PIKFYVE: variants seen among roughly 807,000 people sequenced by gnomAD.
The protein encoded by PIKFYVE is 1-phosphatidylinositol 3-phosphate 5-kinase.
Under a neutral mutation model 257.9 loss-of-function variants are expected in PIKFYVE, and 122 were observed. The observed-to-expected ratio is 0.47, with a 90% CI of 0.41 to 0.55. The LOEUF (loss-of-function observed/expected upper bound fraction) is 0.55. Among genes scored for constraint, PIKFYVE ranks in the 20% least tolerant of loss-of-function variants. The pLI, the probability that PIKFYVE is intolerant of heterozygous loss-of-function variation, is 0.00. For missense variants in PIKFYVE, 2,160 were observed against 2,536.6 expected (o/e 0.85, Z 3.19); for synonymous variants, 892 against 868.9 (o/e 1.03, Z -0.47).
intron 21 of PIKFYVE, 148 bp downstream of exon 21, chr2:208,328,428 C>T (rs1697180167): frequency 2.1e-6 from 2 of 945,690 alleles, no homozygotes; most frequent in African/African-American, 3.3e-5. Flanking sequence ...AACTTTTAAA[C>T]TTGTGAAGTA....
intron 12 of PIKFYVE, among the ~76,000 whole-genome samples, chr2:208,308,666 T>C (rs1694624325): frequency 6.6e-6 from 1 of 151,470 alleles, no homozygotes; most frequent in Admixed American, 6.6e-5. Context: ...AAGAGTGTAG[T>C]GTATCTGGTG....
At chr2:208,330,756 T>TC in intron 23 of PIKFYVE, 62 bp downstream of exon 23, 1 of 1,414,154 alleles carries the variant, frequency 7.1e-7, no homozygotes, top group Non-Finnish European at 9.3e-7. Context: ...ATGTTTTTTT[T>TC]TTTTCCTGAG....
intron 30 of PIKFYVE, 79 bp downstream of exon 30, chr2:208,339,634 C>A: frequency 6.5e-7 from 1 of 1,533,526 alleles, no homozygotes; most frequent in African/African-American, 1.4e-5. Context: ...TGAATTACAG[C>A]CATTTCTCTA....
chr2:208,269,475 G>T, intron 1 of PIKFYVE: 1 of 256,888 alleles, frequency 3.9e-6, no homozygotes, highest in South Asian at 4.9e-5. Context: ...CTGCTCCCGT[G>T]ACTTTGCTGT....
rs1011760454 is a variant in PIKFYVE at position 208,350,817 on chromosome 2, G to A, written c.5481G>A (p.Ala1827=). ...AGTTTTACTGTCGGCTCTACTATGC[G>A]GGAGAGTTTCATAAGATGCGTGAAG... ...NAKFYCRLYY[A]GEFHKMREVI... The change falls in exon 37 of 42, where the codon GCG becomes GCA. Residue 1827 remains alanine, a synonymous_variant. Transcript: ENST00000264380. The A allele has an allele frequency of 1.2e-6, 2 of 1,614,150 alleles. No individual in the cohort carries two copies. The highest frequency in any genetic ancestry group is 1.7e-6 in the Non-Finnish European group (2 of 1,180,026).
intron 2 of PIKFYVE, among the ~76,000 whole-genome samples, chr2:208,272,104 A>G (rs2028145): frequency 0.98 from 149,524 of 151,904 alleles, 73,627 homozygotes; most frequent in Non-Finnish European, 1. Flanking sequence ...GCATGGTGGC[A>G]GGCGCCTGTA....
chr2:208,333,289 G>C (rs1411207731), intron 23 of PIKFYVE, 26 bp from the exon 24 acceptor site: 3 of 1,609,292 alleles, frequency 1.9e-6, no homozygotes, highest in Admixed American at 3.3e-5. Flanking sequence ...TATGTGATTA[G>C]GTAAACTATT....
intron 16 of PIKFYVE, among the ~76,000 whole-genome samples, chr2:208,319,974 A>C (rs1195624632): frequency 6.6e-6 from 1 of 151,962 alleles, no homozygotes; most frequent in Non-Finnish European, 1.5e-5. Context: ...TCTTCTTACA[A>C]CATCAGAAAT....
chr2:208,304,793 A>AT, intron 11 of PIKFYVE, 53 bp from the exon 12 acceptor site: 1 of 1,575,162 alleles, frequency 6.3e-7, no homozygotes. Flanking sequence ...GATAAAACCC[A>AT]TTTTTACTCC....
chr2:208,325,673 G>A lies in PIKFYVE; in HGVS notation c.2862G>A (p.Lys954=). The change falls in exon 20 of 42, where the codon AAG becomes AAA. Residue 954 remains lysine (K), a synonymous_variant. Coordinates refer to ENST00000264380, the MANE Select transcript of PIKFYVE (RefSeq NM_015040.4). ...KNLPQAVASV[K]HQEHSTTACP... ...TTCCGCAGGCTGTTGCCTCTGTGAAGCATCAAGAACATAGCACAACAGCTT... is the reference window on the plus strand; with the variant it reads ...TTCCGCAGGCTGTTGCCTCTGTGAAACATCAAGAACATAGCACAACAGCTT... The A allele has an allele frequency of 6.2e-7, 1 of 1,614,120 alleles. No individual in the cohort carries two copies. Among genetic ancestry groups the A allele is most frequent in the East Asian group, 2.2e-5 (1 of 44,858 alleles).
intron 1 of PIKFYVE, 124 bp from the exon 2 acceptor site, chr2:208,271,387 C>A: frequency 1.1e-6 from 1 of 897,888 alleles, no homozygotes; most frequent in Non-Finnish European, 1.8e-6. Flanking sequence ...GATTTATTTA[C>A]TGTTTGTTTT....
chr2:208,267,507 T>TTTTG lies in PIKFYVE; in HGVS notation c.-10+1095_-10+1096insGTTT, dbSNP rs1559375849. 1.4e-5 allele frequency among the ~76,000 whole-genome samples: 2 copies of TTTTG among 143,658 alleles called. 1 individual carries two copies. Among genetic ancestry groups the TTTTG allele is most frequent in the Non-Finnish European group, 3.0e-5 (2 of 65,708 alleles). The allele number at this position is 143,658 out of a possible 152,430, so 94.2% of individuals were successfully genotyped here. ...CCTAAATTATTACATTGCCAGTTTTTTTTTTTTTTTTTTTTGAGAGACAGA... is the reference window on the plus strand; with the variant it reads ...CCTAAATTATTACATTGCCAGTTTTTTTTGTTTTTTTTTTTTTTTGAGAGACAGA... On this transcript the variant is annotated intron_variant, in intron 1 of 41. Transcript: ENST00000264380.
In PIKFYVE at chr2:208,328,297, C is replaced by G; in HGVS notation, c.3719+17C>G. ...CAGTCCTTGGTAGGATTCTTTTCCC[C>G]CTACACTATTCCACATAAGAACAGA... On this transcript the variant is annotated intron_variant, in intron 21 of 41. Transcript: ENST00000264380. 6.2e-7 allele frequency: 1 copy of G among 1,613,248 alleles called. No individual in the cohort carries two copies. Among genetic ancestry groups the G allele is most frequent in the East Asian group, 2.2e-5 (1 of 44,854 alleles).
Position 208,303,238 on chromosome 2 carries a change from TAC to T in PIKFYVE, c.1320+897_1320+898del, listed in dbSNP as rs567935199. On this transcript the variant is annotated intron_variant, in intron 10 of 41. Coordinates refer to ENST00000264380, the MANE Select transcript of PIKFYVE (RefSeq NM_015040.4). ...TGATACAATATATAGGTTATATATATACACACACACACATATATAAACATATA... is the reference window on the plus strand; with the variant it reads ...TGATACAATATATAGGTTATATATATACACACACACATATATAAACATATA... Among the ~76,000 whole-genome samples, 17 of 150,306 alleles carry T rather than the reference TAC, an allele frequency of 1.1e-4. No individual in the cohort carries two copies. The South Asian group carries it at 1.3e-3, about 11-fold the overall frequency.
At position 208,355,558 on chromosome 2, in the gene PIKFYVE, A is replaced by G; in HGVS notation, c.*253A>G. On this transcript the variant is annotated 3_prime_UTR_variant, in exon 42 of 42. Coordinates refer to ENST00000264380, the MANE Select transcript of PIKFYVE (RefSeq NM_015040.4). ...AATTTTCTTAAGCTAAAATACAGAC[A>G]TGTTTCAAAGGGCTAAAGTTGGAGA... The G allele has an allele frequency of 4.8e-6, 2 of 415,296 alleles. No individual in the cohort carries two copies. The highest frequency in any genetic ancestry group is 5.2e-5 in the South Asian group (2 of 38,140). The allele number at this position is 415,296 out of a possible 1,614,324, so 25.7% of individuals were successfully genotyped here.
chr2:208,271,929 G>A (rs1198340235), intron 2 of PIKFYVE, among the ~76,000 whole-genome samples: 1 of 152,106 alleles, frequency 6.6e-6, no homozygotes, highest in Non-Finnish European at 1.5e-5. Flanking sequence ...GTAACTAAAG[G>A]TCTGGATTAA....
chr2:208,326,427 A>G lies in PIKFYVE; in HGVS notation c.3616A>G (p.Lys1206Glu), dbSNP rs1332824865. ...TCTGAGTGATGCTGTGTGGTCAACAAAGGTGAGCCAGACCACTTTCTGATG... is the reference window on the plus strand; with the variant it reads ...TCTGAGTGATGCTGTGTGGTCAACAGAGGTGAGCCAGACCACTTTCTGATG... ...LILSDAVWST[K>E]VDCLNPINHQ... Residue 1206 changes from lysine (K) to glutamate (E), a missense_variant and splice_region_variant, in exon 20 of 42, where the codon AAG becomes GAG. This residue lies in a region of PIKFYVE where 522 missense variants were observed against 514.6 expected (regional missense o/e 1.01). Coordinates refer to ENST00000264380, the MANE Select transcript of PIKFYVE (RefSeq NM_015040.4). 6.2e-6 allele frequency: 10 copies of G among 1,613,932 alleles called. No homozygotes were observed. The highest frequency in any genetic ancestry group is 7.6e-6 in the Non-Finnish European group (9 of 1,179,864).
intron 10 of PIKFYVE, among the ~76,000 whole-genome samples, chr2:208,303,146 G>A (rs1482524624): frequency 1.3e-5 from 2 of 152,024 alleles, no homozygotes; most frequent in Non-Finnish European, 2.9e-5. Flanking sequence ...TTACTTTAGG[G>A]AAGTGGAAAT....
In PIKFYVE at chr2:208,314,410, A is replaced by G; in HGVS notation, c.1813A>G (p.Met605Val). 6.2e-7 allele frequency: 1 copy of G among 1,613,990 alleles called. No individual in the cohort carries two copies. Among genetic ancestry groups the G allele is most frequent in the Non-Finnish European group, 8.5e-7 (1 of 1,179,930 alleles). ...LREENGEKQA[M>V]ERLLSANHNH... ...GGAGGAGAATGGGGAGAAACAAGCC[A>G]TGGAGAGGTTGCTGTAAGGCAATGA... Residue 605 changes from methionine (M) to valine (V), a missense_variant, in exon 14 of 42, where the codon ATG (methionine) becomes GTG (valine). Coordinates refer to ENST00000264380, the MANE Select transcript of PIKFYVE (RefSeq NM_015040.4).
Sources: allele counts gnomAD v4.1 joint callset (sites outside exome capture counted in the v4.1 genomes callset), GRCh38; gene constraint gnomAD v4.1.1; regional missense constraint gnomAD v4.1.1; transcripts MANE v1.5; gene names NCBI Gene and HGNC (gene_info 2026-07-23, HGNC 2026-07-21).